The following VPS4B variants were observed in gnomAD, a reference collection of about 807,000 sequenced individuals.
VPS4B encodes vacuolar protein sorting-associated protein 4B.
Under a neutral mutation model 56.1 loss-of-function variants are expected in VPS4B, and 23 were observed. That is an observed-to-expected ratio of 0.41 (90% CI 0.30 to 0.58). The LOEUF (loss-of-function observed/expected upper bound fraction) is 0.58, where lower values mean the gene tolerates loss of function less well. VPS4B is among the 20% of genes least tolerant of loss of function. The probability of loss-of-function intolerance (pLI) is 0.29; values close to 1 mark genes in which losing one functional copy is unlikely to be tolerated. For synonymous variants in VPS4B, 177 were observed against 186.0 expected, an observed-to-expected ratio of 0.95 and a Z score of 0.39; for missense variants, 372 against 531.9, an observed-to-expected ratio of 0.70 and a Z score of 2.96.
chr18:63,390,999 T>G lies in VPS4B; in HGVS notation c.1311A>C (p.Thr437=). The stretch of plus-strand genomic sequence containing the variant: ...CTTAGCCTTCTTGACCAAAATCTTC[T>G]GTAAACTTCTTTAATTTCAACAAGT... The part of the protein sequence containing the change: ...EHDLLKLKKF[T]EDFGQEG Residue 437 remains threonine (T), a synonymous_variant, in exon 11 of 11, where the codon ACA becomes ACC. Transcript: ENST00000238497. The G allele has an allele frequency of 6.2e-7, 1 of 1,613,352 alleles. No homozygotes were observed.
intron 5 of VPS4B, among the ~76,000 whole-genome samples, chr18:63,402,045 A>G (rs777140710): frequency 3.9e-5 from 6 of 152,156 alleles, no homozygotes; most frequent in Non-Finnish European, 8.8e-5. Flanking sequence ...GGTGCAAACT[A>G]TGGATGTGTA....
At chr18:63,399,687 G>A (rs966270718) in intron 7 of VPS4B, among the ~76,000 whole-genome samples, 28 of 152,096 alleles carry the variant, frequency 1.8e-4, no homozygotes, top group African/African-American at 5.6e-4. Context: ...TTATGTCAGT[G>A]AGTCCTACAA....
chr18:63,403,932 G>C, intron 4 of VPS4B, 106 bp from the exon 5 acceptor site: 1 of 1,307,810 alleles, frequency 7.6e-7, no homozygotes. Context: ...AATTGGGAAA[G>C]TTTTATGTAC....
At chr18:63,398,204 C>CACACACATATATATAT (rs1298374245) in intron 8 of VPS4B, among the ~76,000 whole-genome samples, 16 of 112,494 alleles carry the variant, frequency 1.4e-4, no homozygotes, top group African/African-American at 4.6e-4. Flanking sequence ...CACACACACA[C>CACACACATATATATAT]ATATATATAT....
chr18:63,391,680 G>C (rs1356936836), intron 10 of VPS4B, among the ~76,000 whole-genome samples: 2 of 152,166 alleles, frequency 1.3e-5, no homozygotes, highest in Non-Finnish European at 2.9e-5. Flanking sequence ...TCCAAAGTAT[G>C]TTCATGATCT....
intron 1 of VPS4B, among the ~76,000 whole-genome samples, chr18:63,418,734 C>T (rs1268842462): frequency 2.6e-5 from 4 of 152,162 alleles, no homozygotes; most frequent in Non-Finnish European, 5.9e-5. Flanking sequence ...CTTTTCCAGG[C>T]TCCCATTTCT....
intron 1 of VPS4B, among the ~76,000 whole-genome samples, chr18:63,414,383 A>T (rs1356583406): frequency 6.6e-6 from 1 of 152,158 alleles, no homozygotes; most frequent in African/African-American, 2.4e-5. Flanking sequence ...AAAGAAAAAA[A>T]AAAATGCATC....
At chr18:63,417,012 C>T (rs1056249740) in intron 1 of VPS4B, among the ~76,000 whole-genome samples, 2 of 152,100 alleles carry the variant, frequency 1.3e-5, no homozygotes, top group African/African-American at 4.8e-5. Context: ...AGGTAGGTTC[C>T]ATGAGGACAG....
intron 9 of VPS4B, 48 bp from the exon 10 acceptor site, chr18:63,393,597 A>G (rs759905834): frequency 6.1e-6 from 9 of 1,466,504 alleles, no homozygotes; most frequent in South Asian, 3.0e-5. Flanking sequence ...AAAATTGAAC[A>G]TTAAGACTTA....
intron 1 of VPS4B, among the ~76,000 whole-genome samples, chr18:63,416,634 C>T (rs1342358726): frequency 1.3e-5 from 2 of 152,162 alleles, no homozygotes; most frequent in African/African-American, 4.8e-5. Flanking sequence ...TAAAAGGTAA[C>T]CTTGATGGTC....
At chr18:63,394,530 G>A (rs935090987) in intron 9 of VPS4B, among the ~76,000 whole-genome samples, 12 of 151,484 alleles carry the variant, frequency 7.9e-5, no homozygotes, top group Non-Finnish European at 1.0e-4. Context: ...GCAGTGGTGC[G>A]ATGTCAGCTC....
intron 3 of VPS4B, among the ~76,000 whole-genome samples, chr18:63,409,209 C>T (rs1416971954): frequency 6.6e-6 from 1 of 152,180 alleles, no homozygotes; most frequent in East Asian, 1.9e-4. Context: ...GAATATAAAA[C>T]CTTGAGCTTA....
At chr18:63,410,144 G>T (rs1751658572) in intron 3 of VPS4B, 146 bp downstream of exon 3, 1 of 1,046,910 alleles carries the variant, frequency 9.6e-7, no homozygotes, top group Non-Finnish European at 1.4e-6. Flanking sequence ...GCACGGCTGT[G>T]TTCTGATAAA....
At position 63,403,706 on chromosome 18, in the gene VPS4B, C is replaced by T; in HGVS notation, c.484+1G>A. The T allele has an allele frequency of 6.2e-7, 1 of 1,601,706 alleles. No homozygotes were observed. The highest frequency in any genetic ancestry group is 8.5e-7 in the Non-Finnish European group (1 of 1,174,818). ...ATAAAATTATTTAAAAGTTATGTCA[C>T]CTGTAAAAAGATGAGGAAATTTAAT... On this transcript the variant is annotated splice_donor_variant, in intron 5 of 10. Transcript: ENST00000238497. LOFTEE classifies it high-confidence loss of function.
At chr18:63,407,404 T>C (rs1339132637) in intron 4 of VPS4B, 28 bp downstream of exon 4, 8 of 1,561,202 alleles carry the variant, frequency 5.1e-6, no homozygotes, top group East Asian at 2.3e-5. Context: ...AATAGGATAG[T>C]AAATTTAAAA....
Position 63,403,697 on chromosome 18 carries a change from G to A in VPS4B, c.484+10C>T. ...ACTCATGAAATAAAATTATTTAAAA[G>A]TTATGTCACCTGTAAAAAGATGAGG... On this transcript the variant is annotated intron_variant, in intron 5 of 10. Coordinates refer to ENST00000238497, the MANE Select transcript of VPS4B (RefSeq NM_004869.4). 1.3e-5 allele frequency: 21 copies of A among 1,595,184 alleles called. No homozygotes were observed. Among genetic ancestry groups the A allele is most frequent in the Non-Finnish European group, 1.8e-5 (21 of 1,171,630 alleles).
At position 63,390,952 on chromosome 18, in the gene VPS4B, T is replaced by A; in HGVS notation, c.*23A>T. On this transcript the variant is annotated 3_prime_UTR_variant, in exon 11 of 11. Coordinates refer to ENST00000238497, the MANE Select transcript of VPS4B (RefSeq NM_004869.4). ...TCTATGAAAGAAAGAATACATATGGTAAGCATCTTCCTTGTCTTTGGCTTA... is the reference window on the plus strand; with the variant it reads ...TCTATGAAAGAAAGAATACATATGGAAAGCATCTTCCTTGTCTTTGGCTTA... The A allele has an allele frequency of 4.8e-6, 7 of 1,463,858 alleles. No individual in the cohort carries two copies. The highest frequency in any genetic ancestry group is 6.7e-6 in the Non-Finnish European group (7 of 1,046,852). 90.7% of individuals were successfully genotyped at this position (1,463,858 alleles called of 1,614,324 possible).
chr18:63,422,433 G>C lies in VPS4B; in HGVS notation c.-174C>G, dbSNP rs1434773705. 4.1e-6 allele frequency: 2 copies of C among 482,832 alleles called. No homozygotes were observed. Among genetic ancestry groups the C allele is most frequent in the Non-Finnish European group, 6.9e-6 (2 of 290,772 alleles). 29.9% of individuals were successfully genotyped at this position (482,832 alleles called of 1,614,324 possible). A position where few individuals can be genotyped will look rare whatever the true frequency, so the allele number is the denominator to read the frequency against. ...TTTAGACAACACTCTCTCCACCAGA[G>C]CTCCGACCCTCCCCACCAAACTTCC... On this transcript the variant is annotated 5_prime_UTR_variant, in exon 1 of 11. Coordinates refer to ENST00000238497, the MANE Select transcript of VPS4B (RefSeq NM_004869.4).
At chr18:63,401,474 G>A (rs957788729) in intron 5 of VPS4B, among the ~76,000 whole-genome samples, 9 of 152,144 alleles carry the variant, frequency 5.9e-5, no homozygotes, top group African/African-American at 2.2e-4. Context: ...GGCTGGTCTC[G>A]ATCTTCTGAC....
Sources: allele counts gnomAD v4.1 joint callset (sites outside exome capture counted in the v4.1 genomes callset), GRCh38; gene constraint gnomAD v4.1.1; transcripts MANE v1.5; gene names NCBI Gene and HGNC (gene_info 2026-07-23, HGNC 2026-07-21).